Variants in HPS4 observed in about 807,000 individuals in gnomAD.
The protein encoded by HPS4 is BLOC-3 complex member HPS4.
HPS4 carries 44 observed loss-of-function variants against 70.3 expected under a neutral mutation model. That is an observed-to-expected ratio of 0.63 (90% CI 0.49 to 0.80). The LOEUF is 0.80. Ranked by LOEUF, HPS4 falls within the 30% of genes least tolerant of loss-of-function variation. The pLI is 0.00. For synonymous variants in HPS4, 377 were observed against 355.9 expected (o/e 1.06, Z -0.67); for missense variants, 873 against 884.4 (o/e 0.99, Z 0.16).
intron 11 of HPS4, among the ~76,000 whole-genome samples, chr22:26,458,947 TAGG>T (rs1387545229): frequency 1.3e-5 from 2 of 152,144 alleles, no homozygotes; most frequent in African/African-American, 2.4e-5. Flanking sequence ...GATTATATTG[TAGG>T]AGATTTAGAA....
At position 26,453,401 on chromosome 22, in the gene HPS4, A is replaced by G. The variant is rs202120615; in HGVS notation, c.1959T>C (p.Asn653=). ...LPALYEMTVR[N]ASTAVYACCN... ...AACAGGCGTACACAGCCGTGGAGGC[A>G]TTTCTGTTGGAGGAAGAAAGAAGGC... The change falls in exon 14 of 14, where the codon AAT becomes AAC. Residue 653 remains asparagine (N), a synonymous_variant. Coordinates refer to ENST00000398145, the MANE Select transcript of HPS4 (RefSeq NM_022081.6). 544 of 1,613,892 alleles carry G rather than the reference A, an allele frequency of 3.4e-4. No individual in the cohort carries two copies. The highest frequency in any genetic ancestry group is 4.3e-4 in the Non-Finnish European group (512 of 1,180,026).
rs1242693949 is a variant in HPS4, at chr22:26,451,998, GCGCGCGCACACACACACACA to G, written c.*1215_*1234del. ...ATGCGCCCACGTTACGCGCGCGCGCGCGCGCGCACACACACACACACACACACACACACACACACACACAC... is the reference window on the plus strand; with the variant it reads ...ATGCGCCCACGTTACGCGCGCGCGCGCACACACACACACACACACACACAC... On this transcript the variant is annotated 3_prime_UTR_variant, in exon 14 of 14. Transcript: ENST00000398145. The G allele has an allele frequency of 2.6e-3, 160 of 61,398 alleles. No individual in the cohort carries two copies. The highest frequency in any genetic ancestry group is 0.012 in the African/African-American group (155 of 13,274). 3.8% of individuals were successfully genotyped at this position (61,398 alleles called of 1,614,324 possible).
At position 26,463,165 on chromosome 22, in the gene HPS4, C is replaced by T. The variant is rs556280721; in HGVS notation, c.1713+752G>A. On this transcript the variant is annotated intron_variant, in intron 11 of 13. Transcript: ENST00000398145. Reference sequence around the variant, plus strand: ...AGGCTGTTACTATAGCAACGAATCTCCAGCGTGGGCCCCAGGGAAGGTCAG... The same window carrying T: ...AGGCTGTTACTATAGCAACGAATCTTCAGCGTGGGCCCCAGGGAAGGTCAG... Among the ~76,000 whole-genome samples, 9 of 152,338 alleles carry T rather than the reference C, an allele frequency of 5.9e-5. No homozygotes were observed. In the South Asian group the frequency reaches 1.7e-3, roughly 28 times the overall value.
At chr22:26,446,558 T>C (rs937311446), downstream of HPS4, among the ~76,000 whole-genome samples, 2 of 152,156 alleles carry the variant, frequency 1.3e-5, no homozygotes, top group African/African-American at 4.8e-5. Context: ...TTTAAACTCA[T>C]TTCCGGTCAT....
Position 26,470,954 on chromosome 22 carries a change from G to C in HPS4, c.502-141C>G, listed in dbSNP as rs112167664. ...AAGGAGAATGTGTCACACAGTGAAAGCTGTGCCATGGCTTGGGACTATTCT... is the reference window on the plus strand; with the variant it reads ...AAGGAGAATGTGTCACACAGTGAAACCTGTGCCATGGCTTGGGACTATTCT... On this transcript the variant is annotated intron_variant, in intron 6 of 13. Coordinates refer to ENST00000398145, the MANE Select transcript of HPS4 (RefSeq NM_022081.6). 1.6e-5 allele frequency: 24 copies of C among 1,525,592 alleles called. No individual in the cohort carries two copies. The African/African-American group carries it at 2.8e-4, about 18-fold the overall frequency. The allele number at this position is 1,525,592 out of a possible 1,614,324, so 94.5% of individuals were successfully genotyped here.
intron 8 of HPS4, chr22:26,468,187 A>G (rs974327649): frequency 1.3e-5 from 4 of 307,382 alleles, no homozygotes; most frequent in African/African-American, 4.7e-5. Flanking sequence ...ACAGGTGTGA[A>G]CCACCGTGCC....
chr22:26,449,591 A>G (rs1216226038), downstream of HPS4, among the ~76,000 whole-genome samples: 1 of 151,892 alleles, frequency 6.6e-6, no homozygotes, highest in Non-Finnish European at 1.5e-5. Context: ...TCGGCCTCCC[A>G]AAGTGCTGGG....
At position 26,464,569 on chromosome 22, in the gene HPS4, G is replaced by C. The variant is rs116769827; in HGVS notation, c.1061C>G (p.Ser354Cys). 1.5e-3 allele frequency: 2,371 copies of C among 1,614,220 alleles called. 32 individuals carry two copies. In the African/African-American group the frequency reaches 0.028, roughly 19 times the overall value. ...SARGEVLGLSSSLGKELVFLQ... is the reference protein window; with the variant it reads ...SARGEVLGLSCSLGKELVFLQ... The stretch of plus-strand genomic sequence containing the variant: ...AAAGACTAGTTCCTTCCCCAGGGAG[G>C]AGCTGAGGCCAAGAACCTCACCCCT... The change falls in exon 11 of 14, where the codon TCC (serine) becomes TGC (cysteine). Residue 354 changes from serine (S) to cysteine (C), a missense_variant. Transcript: ENST00000398145.
intron 4 of HPS4, chr22:26,475,705 G>A (rs914665365): frequency 3.3e-5 from 5 of 151,966 alleles, no homozygotes; most frequent in African/African-American, 1.2e-4. Context: ...TATCTGTGTG[G>A]AGAGTACACT....
chr22:26,450,310 A>G (rs1418954844), downstream of HPS4, among the ~76,000 whole-genome samples: 1 of 151,834 alleles, frequency 6.6e-6, no homozygotes, highest in Non-Finnish European at 1.5e-5. Context: ...CTACTCACCC[A>G]CCCCGAGCAG....
chr22:26,480,317 G>C (rs982727481), intron 2 of HPS4, among the ~76,000 whole-genome samples: 1 of 152,142 alleles, frequency 6.6e-6, no homozygotes, highest in East Asian at 1.9e-4. Context: ...GACTACAGGA[G>C]TGTGCCATCA....
chr22:26,477,209 T>G, intron 3 of HPS4, 73 bp from the exon 4 acceptor site: 1 of 1,535,272 alleles, frequency 6.5e-7, no homozygotes, highest in Non-Finnish European at 9.0e-7. Context: ...TACAGCATAC[T>G]AAAGCCTGCA....
At chr22:26,478,444 G>A (rs993654519) in intron 3 of HPS4, among the ~76,000 whole-genome samples, 12 of 151,808 alleles carry the variant, frequency 7.9e-5, no homozygotes, top group Non-Finnish European at 1.0e-4. Context: ...GGTAGCGGGC[G>A]ACTGTAGTCC....
At chr22:26,447,861 A>T (rs533163813), downstream of HPS4, among the ~76,000 whole-genome samples, 3 of 152,052 alleles carry the variant, frequency 2.0e-5, no homozygotes, top group Non-Finnish European at 4.4e-5. Context: ...GCCCTTCCCC[A>T]TATCTCCCCG....
At chr22:26,457,744 A>G (rs181661132) in intron 13 of HPS4, 115 bp downstream of exon 13, 3 of 768,454 alleles carry the variant, frequency 3.9e-6, no homozygotes, top group East Asian at 2.6e-5. Context: ...CCTTAAGGAG[A>G]GTAACTAGAA....
Position 26,469,196 on chromosome 22 carries a change from C to T in HPS4, c.597-573G>A, listed in dbSNP as rs371317177. ...GCACAGTGGCTTACTCCTGCAATCA[C>T]AGCACTTTGGGAGGCTGAGGTGGGA... On this transcript the variant is annotated intron_variant, in intron 7 of 13. Coordinates refer to ENST00000398145, the MANE Select transcript of HPS4 (RefSeq NM_022081.6). Among the ~76,000 whole-genome samples the T allele has an allele frequency of 3.4e-5, 5 of 145,314 alleles. No individual in the cohort carries two copies. In the East Asian group the frequency reaches 1.0e-3, roughly 30 times the overall value.
intron 4 of HPS4, 92 bp downstream of exon 4, chr22:26,476,901 G>C (rs946502172): frequency 4.6e-5 from 63 of 1,361,370 alleles, no homozygotes; most frequent in Non-Finnish European, 5.9e-5. Context: ...GTTGGTGGGG[G>C]CAGATAATTC....
chr22:26,470,587 C>T, intron 7 of HPS4, 132 bp downstream of exon 7: 1 of 793,438 alleles, frequency 1.3e-6, no homozygotes, highest in African/African-American at 1.7e-5. Flanking sequence ...ATCTAAACTA[C>T]CTGATATTTG....
chr22:26,483,695 T>G lies in HPS4; in HGVS notation c.-500A>C, dbSNP rs1435253372. ...CCACCGGAGTAGCCAGGCATCCCAG[T>G]GCTCGGGGTTCGGGACTCTGGACCA... On this transcript the variant is annotated 5_prime_UTR_variant, in exon 1 of 14. Transcript: ENST00000398145. 2 of 397,146 alleles carry G rather than the reference T, an allele frequency of 5.0e-6. No individual in the cohort carries two copies. Among genetic ancestry groups the G allele is most frequent in the Non-Finnish European group, 8.7e-6 (2 of 228,684 alleles). The allele number at this position is 397,146 out of a possible 1,614,324, so 24.6% of individuals were successfully genotyped here. A position where few individuals can be genotyped will look rare whatever the true frequency, so the allele number is the denominator to read the frequency against.
Sources: allele counts gnomAD v4.1 joint callset (sites outside exome capture counted in the v4.1 genomes callset), GRCh38; gene constraint gnomAD v4.1.1; transcripts MANE v1.5; gene names NCBI Gene and HGNC (gene_info 2026-07-23, HGNC 2026-07-21).